RARB: variants seen among roughly 807,000 people sequenced by gnomAD.
RARB encodes retinoic acid receptor beta, also known as HBV-activated protein.
A neutral mutation model predicts 51.9 loss-of-function variants in RARB; 17 were observed. The observed-to-expected ratio is 0.33, with a 90% CI of 0.22 to 0.49. The LOEUF (loss-of-function observed/expected upper bound fraction) is 0.49. Ranked by LOEUF, RARB falls within the 20% of genes least tolerant of loss-of-function variation. RARB has a pLI of 0.99. For synonymous variants in RARB, 215 were observed against 195.4 expected (o/e 1.10, Z -0.84); for missense variants, 369 against 550.8 (o/e 0.67, Z 3.30).
intron 5 of RARB, among the ~76,000 whole-genome samples, chr3:25,176,293 T>TTTTCTTTCTTTCTTTCTTTCTTTGTTTC (rs1700741004): frequency 1.4e-4 from 9 of 64,216 alleles, no homozygotes; most frequent in Admixed American, 4.1e-4. Context: ...TATATTTATC[T>TTTTCTTTCTTTCTTTCTTTCTTTGTTTC]TTTCTTTCTT....
chr3:25,551,162 C>G (rs572559448), intron 3 of RARB, among the ~76,000 whole-genome samples: 6 of 152,042 alleles, frequency 3.9e-5, no homozygotes, highest in Non-Finnish European at 5.9e-5. Context: ...AAATGCTGTC[C>G]TCATAGTGGG....
At chr3:25,093,922 A>G (rs1240860936) in intron 3 of RARB, among the ~76,000 whole-genome samples, 2 of 152,152 alleles carry the variant, frequency 1.3e-5, no homozygotes. Context: ...TTTCAGGGAG[A>G]CTGATTTGAG....
chr3:25,300,790 G>A (rs993863185), intron 5 of RARB, among the ~76,000 whole-genome samples: 15 of 152,140 alleles, frequency 9.9e-5, no homozygotes, highest in African/African-American at 2.7e-4. Context: ...AGGAGTTTGC[G>A]ACCAGCCTGG....
At chr3:25,369,059 AGAG>A (rs1706222125) in intron 5 of RARB, among the ~76,000 whole-genome samples, 1 of 152,162 alleles carries the variant, frequency 6.6e-6, no homozygotes, top group African/African-American at 2.4e-5. Context: ...GTGGTGGGAG[AGAG>A]GAGTAGGTCA....
chr3:24,973,202 A>G (rs1575099194), intron 2 of RARB, among the ~76,000 whole-genome samples: 1 of 151,972 alleles, frequency 6.6e-6, no homozygotes, highest in Non-Finnish European at 1.5e-5. Flanking sequence ...ATGGTTATTC[A>G]ATTTTCCCAG....
chr3:25,358,566 A>G (rs1705824232), intron 5 of RARB, among the ~76,000 whole-genome samples: 1 of 152,202 alleles, frequency 6.6e-6, no homozygotes, highest in East Asian at 1.9e-4. Context: ...GCTGGTTTGC[A>G]AAGGGAATCC....
intron 2 of RARB, among the ~76,000 whole-genome samples, chr3:24,962,980 C>A (rs1239529099): frequency 6.6e-6 from 1 of 152,094 alleles, no homozygotes; most frequent in Non-Finnish European, 1.5e-5. Context: ...TAATTTAATC[C>A]CTTCAGCCTG....
At chr3:24,924,370 A>G (rs1057443876) in intron 2 of RARB, among the ~76,000 whole-genome samples, 2 of 152,166 alleles carry the variant, frequency 1.3e-5, no homozygotes, top group Non-Finnish European at 2.9e-5. Context: ...GTGACACTGG[A>G]AATGTTTCAT....
At chr3:25,294,164 A>G (rs542652912) in intron 5 of RARB, among the ~76,000 whole-genome samples, 4 of 152,302 alleles carry the variant, frequency 2.6e-5, no homozygotes, top group Non-Finnish European at 5.9e-5. Flanking sequence ...TAATCAAAAA[A>G]CCAAAGAGGA....
At chr3:25,473,142 T>C (rs892705658) in intron 2 of RARB, among the ~76,000 whole-genome samples, 7 of 152,202 alleles carry the variant, frequency 4.6e-5, no homozygotes, top group African/African-American at 1.7e-4. Context: ...AATAGTTTCT[T>C]TGGGATTAGA....
intron 5 of RARB, among the ~76,000 whole-genome samples, chr3:25,178,600 G>T (rs1422216239): frequency 6.6e-6 from 1 of 151,960 alleles, no homozygotes; most frequent in Non-Finnish European, 1.5e-5. Context: ...TTGGAAAATT[G>T]ACAGCTCCAC....
At chr3:24,898,464 CATG>C (rs1231614545) in intron 2 of RARB, among the ~76,000 whole-genome samples, 4 of 151,828 alleles carry the variant, frequency 2.6e-5, no homozygotes, top group African/African-American at 9.7e-5. Context: ...ATATTTGTTA[CATG>C]ATTATATCAA....
rs753321842 is a variant in RARB, at chr3:25,500,454, G to GT, written c.307-701dup. On this transcript the variant is annotated intron_variant, in intron 2 of 7. Coordinates refer to ENST00000330688, the MANE Select transcript of RARB (RefSeq NM_000965.5). ...ATAATTTCTTTTTCTTTCTTTTCTT[G>GT]TTTTTTTTTTTTTTTTTTTTTTTTT... is the stretch of plus-strand genomic sequence containing the variant. Among the ~76,000 whole-genome samples, 468 of 66,096 alleles carry GT rather than the reference G, an allele frequency of 7.1e-3. 14 individuals carry two copies. Among genetic ancestry groups the GT allele is most frequent in the Middle Eastern group, 0.01 (1 of 100 alleles). The allele number at this position is 66,096 out of a possible 152,430, so 43.4% of individuals were successfully genotyped here.
intron 5 of RARB, among the ~76,000 whole-genome samples, chr3:25,393,708 C>G (rs1033088589): frequency 5.3e-5 from 8 of 152,022 alleles, no homozygotes; most frequent in Non-Finnish European, 1.2e-4. Flanking sequence ...TGAAGGTGTT[C>G]ATAGTAGCCT....
At chr3:25,213,516 C>G (rs377377925) in intron 5 of RARB, among the ~76,000 whole-genome samples, 2 of 152,180 alleles carry the variant, frequency 1.3e-5, no homozygotes, top group Non-Finnish European at 2.9e-5. Flanking sequence ...CAATAAGGCA[C>G]TCTGAGCATC....
At chr3:25,166,203 G>A (rs1256771204) in intron 4 of RARB, among the ~76,000 whole-genome samples, 2 of 152,054 alleles carry the variant, frequency 1.3e-5, no homozygotes, top group Admixed American at 6.6e-5. Context: ...TTCTCTTTAA[G>A]TTGAGAGTAA....
At chr3:25,450,159 A>T (rs1158596930) in intron 1 of RARB, among the ~76,000 whole-genome samples, 1 of 152,128 alleles carries the variant, frequency 6.6e-6, no homozygotes, top group Non-Finnish European at 1.5e-5. Context: ...ATGCTCCATG[A>T]GTGTTAGTGA....
chr3:24,952,066 C>CTT (rs1695905396), intron 2 of RARB, among the ~76,000 whole-genome samples: 1 of 151,438 alleles, frequency 6.6e-6, no homozygotes, highest in Non-Finnish European at 1.5e-5. Flanking sequence ...TTCTCCATAA[C>CTT]TTTTCTTTTT....
At chr3:25,527,428 A>G (rs1698702578) in intron 3 of RARB, among the ~76,000 whole-genome samples, 1 of 152,200 alleles carries the variant, frequency 6.6e-6, no homozygotes. Flanking sequence ...AGAGCATTGT[A>G]TTTTTCAACT....
Sources: allele counts gnomAD v4.1 joint callset (sites outside exome capture counted in the v4.1 genomes callset), GRCh38; gene constraint gnomAD v4.1.1; transcripts MANE v1.5; gene names NCBI Gene and HGNC (gene_info 2026-07-23, HGNC 2026-07-21).